The following HDAC9 variants were observed in gnomAD, a reference collection of about 807,000 sequenced individuals.
HDAC9 encodes the protein histone deacetylase 9, also known as MEF-2 interacting transcription repressor (MITR) protein.
A neutral mutation model predicts 139.4 loss-of-function variants in HDAC9; 41 were observed. The ratio of observed to expected loss-of-function variants is 0.29; its 90% CI spans 0.23 to 0.38. HDAC9 has a LOEUF of 0.38. HDAC9 is among the 10% of genes least tolerant of loss of function. The probability of loss-of-function intolerance (pLI) is 1.00; values close to 1 mark genes in which losing one functional copy is unlikely to be tolerated. For synonymous variants in HDAC9, 517 were observed against 476.2 expected, an observed-to-expected ratio of 1.09 and a Z score of -1.12; for missense variants, 1,147 against 1,297.0, an observed-to-expected ratio of 0.88 and a Z score of 1.78.
chr7:18,891,305 T>A (rs1184083026), intron 22 of HDAC9, among the ~76,000 whole-genome samples: 1 of 152,196 alleles, frequency 6.6e-6, no homozygotes, highest in African/African-American at 2.4e-5. Context: ...TTAATTTCAG[T>A]AACTGACAAG....
At chr7:18,732,793 T>TGTGTGCGTATGTGTACACACACGTGTGTA (rs1786310756) in intron 13 of HDAC9, among the ~76,000 whole-genome samples, 1 of 45,586 alleles carries the variant, frequency 2.2e-5, no homozygotes, top group Non-Finnish European at 3.6e-5. Flanking sequence ...ACACGTGTGT[T>TGTGTGCGTATGTGTACACACACGTGTGTA]TGTGTGCGTA....
chr7:18,745,883 CTTTTTTTTTTT>C (rs752292349), intron 13 of HDAC9, among the ~76,000 whole-genome samples: 6 of 99,486 alleles, frequency 6.0e-5, no homozygotes, highest in Admixed American at 2.3e-4. Context: ...TCTTCTTCTT[CTTTTTTTTTTT>C]TTTTTTTTTT....
intron 22 of HDAC9, among the ~76,000 whole-genome samples, chr7:18,903,963 A>G (rs1801967234): frequency 6.6e-6 from 1 of 152,190 alleles, no homozygotes; most frequent in Non-Finnish European, 1.5e-5. Flanking sequence ...CTGGCAACAA[A>G]TCTAGGATGA....
chr7:18,904,652 T>TGCAA (rs1468705672), intron 22 of HDAC9, among the ~76,000 whole-genome samples: 1 of 139,532 alleles, frequency 7.2e-6, no homozygotes, highest in African/African-American at 2.7e-5. Context: ...ATCCGCTCAC[T>TGCAA]GCAAGCTCCG....
At chr7:18,994,115 A>G (rs982343563) in intron 25 of HDAC9, among the ~76,000 whole-genome samples, 3 of 152,172 alleles carry the variant, frequency 2.0e-5, no homozygotes, top group African/African-American at 7.2e-5. Context: ...TCCACCACAG[A>G]GACATGTGGA....
intron 2 of HDAC9, among the ~76,000 whole-genome samples, chr7:18,569,795 G>A (rs934418203): frequency 2.6e-5 from 4 of 151,898 alleles, no homozygotes; most frequent in Non-Finnish European, 5.9e-5. Context: ...AGAACCTTCT[G>A]TTTCTCTAAT....
At chr7:18,352,775 C>T (rs1415320400) in intron 1 of HDAC9, among the ~76,000 whole-genome samples, 1 of 151,708 alleles carries the variant, frequency 6.6e-6, no homozygotes, top group African/African-American at 2.4e-5. Flanking sequence ...GTTTTTTTCC[C>T]CCCTTTTCCC....
chr7:18,519,962 G>A (rs955664512), intron 2 of HDAC9, among the ~76,000 whole-genome samples: 3 of 152,036 alleles, frequency 2.0e-5, no homozygotes, highest in East Asian at 1.9e-4. Context: ...GCAAAAAAAT[G>A]TAGAATGGTA....
chr7:18,984,405 T>C (rs755041865), intron 25 of HDAC9, among the ~76,000 whole-genome samples: 1 of 152,148 alleles, frequency 6.6e-6, no homozygotes, highest in Non-Finnish European at 1.5e-5. Context: ...TTAAAATATT[T>C]ATTACCATTC....
intron 14 of HDAC9, among the ~76,000 whole-genome samples, chr7:18,753,035 T>C (rs1788580453): frequency 6.6e-6 from 1 of 152,136 alleles, no homozygotes; most frequent in Admixed American, 6.6e-5. Context: ...AACAGTGATG[T>C]ATCCATTCGA....
intron 2 of HDAC9, among the ~76,000 whole-genome samples, chr7:18,513,677 C>T (rs987936884): frequency 6.6e-6 from 1 of 152,226 alleles, no homozygotes; most frequent in Non-Finnish European, 1.5e-5. Context: ...AAATCTGCCA[C>T]TGTCTGTGTG....
At chr7:18,159,557 G>C (rs1474468584) in intron 1 of HDAC9, among the ~76,000 whole-genome samples, 1 of 151,822 alleles carries the variant, frequency 6.6e-6, no homozygotes. Flanking sequence ...CTGATTTTGT[G>C]GGTGTGAGGA....
At chr7:18,310,914 A>C (rs1487456128) in intron 1 of HDAC9, among the ~76,000 whole-genome samples, 1 of 151,636 alleles carries the variant, frequency 6.6e-6, no homozygotes, top group Admixed American at 6.6e-5. Flanking sequence ...ATACAAATCT[A>C]CTCTATTATC....
chr7:18,175,621 G>A (rs1339523370), intron 2 of HDAC9, among the ~76,000 whole-genome samples: 3 of 152,166 alleles, frequency 2.0e-5, no homozygotes, highest in African/African-American at 2.4e-5. Flanking sequence ...TATAATGCAT[G>A]CCTATGTGTT....
Position 18,175,370 on chromosome 7 carries a change from T to C in HDAC9, c.25+13021T>C, listed in dbSNP as rs1252701014. On this transcript the variant is annotated intron_variant, in intron 2 of 12. Transcript: ENST00000417496. Reference sequence around the variant, plus strand: ...TTTTCCAGGTACCATCTGTCATGGCTTCCCTTGGCTAGGAAAGGGAATTCC... The same window carrying C: ...TTTTCCAGGTACCATCTGTCATGGCCTCCCTTGGCTAGGAAAGGGAATTCC... 2.6e-5 allele frequency among the ~76,000 whole-genome samples: 4 copies of C among 152,222 alleles called. No individual in the cohort carries two copies. The East Asian group carries it at 7.7e-4, about 29-fold the overall frequency.
At chr7:18,969,938 A>C (rs1046152688) in intron 24 of HDAC9, among the ~76,000 whole-genome samples, 1 of 152,182 alleles carries the variant, frequency 6.6e-6, no homozygotes, top group African/African-American at 2.4e-5. Context: ...TAAAATAGTT[A>C]CTCATTTCAG....
At chr7:18,963,174 C>T (rs1231753063) in intron 24 of HDAC9, among the ~76,000 whole-genome samples, 2 of 152,080 alleles carry the variant, frequency 1.3e-5, no homozygotes, top group African/African-American at 4.8e-5. Flanking sequence ...AAAACATAAG[C>T]TGAAATTTAA....
chr7:18,224,167 A>G (rs950223189), intron 2 of HDAC9, among the ~76,000 whole-genome samples: 7 of 152,222 alleles, frequency 4.6e-5, no homozygotes, highest in Non-Finnish European at 7.3e-5. Flanking sequence ...CAGTGGGTAC[A>G]TGTTAAATCA....
At chr7:18,473,063 A>AT (rs1794844075) in intron 1 of HDAC9, among the ~76,000 whole-genome samples, 1 of 152,176 alleles carries the variant, frequency 6.6e-6, no homozygotes, top group African/African-American at 2.4e-5. Flanking sequence ...AGCAATCAGC[A>AT]TTTTTCAGAC....
Sources: gnomAD v4.1 joint callset for allele counts (sites outside exome capture counted in the v4.1 genomes callset) on GRCh38, gnomAD v4.1.1 for gene constraint, MANE v1.5 for transcripts, NCBI Gene and HGNC (gene_info 2026-07-23, HGNC 2026-07-21) for gene names.